PALD1: variants seen among roughly 807,000 people sequenced by gnomAD.
PALD1 encodes paladin.
A neutral mutation model predicts 96.0 loss-of-function variants in PALD1; 57 were observed. The ratio of observed to expected loss-of-function variants is 0.59; its 90% CI spans 0.48 to 0.74. The LOEUF is 0.74. PALD1 is among the 30% of genes least tolerant of loss of function. PALD1 has a pLI of 0.00. For missense variants in PALD1, 1,063 were observed against 1,143.7 expected (o/e 0.93, Z 1.02); for synonymous variants, 464 against 473.6 (o/e 0.98, Z 0.26).
intron 1 of PALD1, among the ~76,000 whole-genome samples, chr10:70,506,555 A>G (rs893876339): frequency 3.3e-5 from 5 of 152,076 alleles, no homozygotes; most frequent in African/African-American, 7.2e-5. Flanking sequence ...CTTTCCCCCA[A>G]CTAACCTGAG....
At chr10:70,553,725 G>A (rs987364215) in intron 18 of PALD1, among the ~76,000 whole-genome samples, 3 of 152,166 alleles carry the variant, frequency 2.0e-5, no homozygotes, top group Admixed American at 1.3e-4. Context: ...CCCAGATTGA[G>A]CCTCTCTGCC....
intron 18 of PALD1, among the ~76,000 whole-genome samples, chr10:70,556,242 T>C (rs12776741): frequency 0.53 from 80,125 of 150,998 alleles, 22,194 homozygotes; most frequent in Middle Eastern, 0.7. Context: ...CCCGTGTGCT[T>C]TTGTGTGTGT....
At chr10:70,546,920 C>T (rs1406527757) in intron 17 of PALD1, among the ~76,000 whole-genome samples, 5 of 152,190 alleles carry the variant, frequency 3.3e-5, no homozygotes, top group Admixed American at 6.5e-5. Flanking sequence ...CACTGCACTC[C>T]TGCCTGGATG....
intron 1 of PALD1, among the ~76,000 whole-genome samples, chr10:70,488,482 C>T (rs12354806): frequency 0.043 from 6,510 of 152,282 alleles, 200 homozygotes; most frequent in South Asian, 0.066. Context: ...GTCAAAGTCC[C>T]CTTTCCCCTC....
chr10:70,475,531 G>C (rs141835759), upstream of PALD1, among the ~76,000 whole-genome samples: 143 of 139,524 alleles, frequency 1.0e-3, 1 homozygote, highest in Non-Finnish European at 1.8e-4. Flanking sequence ...CTCAGGTCCA[G>C]TGTCCCTCAG....
At chr10:70,510,174 G>C (rs1028518719) in intron 1 of PALD1, among the ~76,000 whole-genome samples, 6 of 152,146 alleles carry the variant, frequency 3.9e-5, no homozygotes, top group African/African-American at 1.4e-4. Context: ...GGCCACAGTG[G>C]TGGGTGGGAT....
Position 70,540,938 on chromosome 10 carries a change from G to A in PALD1, c.1909-164G>A, listed in dbSNP as rs1174094744. 1.3e-5 allele frequency among the ~76,000 whole-genome samples: 2 copies of A among 152,212 alleles called. No individual in the cohort carries two copies. Among genetic ancestry groups the A allele is most frequent in the Non-Finnish European group, 2.9e-5 (2 of 68,032 alleles). ...CAGGTGCAGCTGTTTACACGCACAT[G>A]GTCTCATGCACCCCGGTGAGTTTTG... is the stretch of plus-strand genomic sequence containing the variant. On this transcript the variant is annotated intron_variant, in intron 15 of 19. Coordinates refer to ENST00000263563, the MANE Select transcript of PALD1 (RefSeq NM_014431.3). The surrounding 1 kb of genome is among the most constrained non-coding windows in gnomAD (Gnocchi z 4.2).
At chr10:70,552,701 G>GCAGT (rs1417553470) in intron 18 of PALD1, among the ~76,000 whole-genome samples, 10 of 152,130 alleles carry the variant, frequency 6.6e-5, no homozygotes, top group Non-Finnish European at 1.0e-4. Flanking sequence ...TTTAAAGAAG[G>GCAGT]CAGTCACACC....
At chr10:70,497,275 C>G (rs1399307598) in intron 1 of PALD1, among the ~76,000 whole-genome samples, 1 of 152,264 alleles carries the variant, frequency 6.6e-6, no homozygotes, top group Non-Finnish European at 1.5e-5. Flanking sequence ...AAGATCTGAG[C>G]AGAGCCCTGC....
chr10:70,474,738 T>C (rs1845802047), upstream of PALD1, among the ~76,000 whole-genome samples: 1 of 152,212 alleles, frequency 6.6e-6, no homozygotes, highest in African/African-American at 2.4e-5. Context: ...ACGTAATCCT[T>C]AGGCTTAGAC....
At chr10:70,459,350 G>C in the PALD1 span, among the ~76,000 whole-genome samples, 1 of 152,156 alleles carries the variant, frequency 6.6e-6, no homozygotes, top group Non-Finnish European at 1.5e-5. Context: ...TCAGACCCTT[G>C]CAAGGCCCGG....
chr10:70,517,401 G>A (rs1404790075), intron 1 of PALD1, among the ~76,000 whole-genome samples: 1 of 150,776 alleles, frequency 6.6e-6, no homozygotes, highest in East Asian at 1.9e-4. Flanking sequence ...GAGTGCAGTG[G>A]TGCAATCTCA....
chr10:70,523,843 A>C (rs1846794946), intron 1 of PALD1, among the ~76,000 whole-genome samples: 2 of 151,432 alleles, frequency 1.3e-5, no homozygotes, highest in South Asian at 4.2e-4. Flanking sequence ...ATGAGTCTGG[A>C]GTTGTTCTCT....
At chr10:70,460,375 G>A in the PALD1 span, among the ~76,000 whole-genome samples, 1 of 152,114 alleles carries the variant, frequency 6.6e-6, no homozygotes, top group African/African-American at 2.4e-5. Flanking sequence ...TGCACCCACC[G>A]GCCTACCGTG....
chr10:70,546,607 T>A (rs964198685), intron 17 of PALD1, among the ~76,000 whole-genome samples: 1 of 152,204 alleles, frequency 6.6e-6, no homozygotes, highest in African/African-American at 2.4e-5. Flanking sequence ...TATGCCACAG[T>A]TTATCAACAC....
At chr10:70,484,812 T>A (rs1845991072) in intron 1 of PALD1, among the ~76,000 whole-genome samples, 1 of 152,202 alleles carries the variant, frequency 6.6e-6, no homozygotes, top group Admixed American at 6.6e-5. Context: ...GTGCTGGGAT[T>A]ACAGGCATGA....
intron 17 of PALD1, 66 bp downstream of exon 17, chr10:70,541,600 C>T: frequency 8.2e-7 from 1 of 1,218,782 alleles, no homozygotes; most frequent in Non-Finnish European, 1.2e-6. Context: ...CTCCTGCTTG[C>T]CGGTCTAGGG....
At chr10:70,564,661 G>A (rs1163444851) in intron 19 of PALD1, 142 bp downstream of exon 19, 2 of 759,206 alleles carry the variant, frequency 2.6e-6, no homozygotes, top group Non-Finnish European at 4.3e-6. Flanking sequence ...TCTGCAGGAG[G>A]CTTCTGTTTG....
At chr10:70,524,863 A>T (rs1387222303) in intron 1 of PALD1, among the ~76,000 whole-genome samples, 2 of 152,246 alleles carry the variant, frequency 1.3e-5, no homozygotes, top group Non-Finnish European at 2.9e-5. Flanking sequence ...ATCGTGGTAC[A>T]CCACTTTGTG....
Sources: allele counts gnomAD v4.1 joint callset (sites outside exome capture counted in the v4.1 genomes callset), GRCh38; gene constraint gnomAD v4.1.1; non-coding constraint Gnocchi (gnomAD v3.1); transcripts MANE v1.5; gene names NCBI Gene and HGNC (gene_info 2026-07-23, HGNC 2026-07-21).